The following TPRG1 variants were observed in gnomAD, a reference collection of about 807,000 sequenced individuals.
TPRG1 encodes the protein tumor protein p63-regulated gene 1 protein.
Under a neutral mutation model 29.3 loss-of-function variants are expected in TPRG1, and 29 were observed. That is an observed-to-expected ratio of 0.99 (90% CI 0.74 to 1.35). The LOEUF (loss-of-function observed/expected upper bound fraction) is 1.35, where lower values mean the gene tolerates loss of function less well. Among genes scored for constraint, TPRG1 ranks in the 40% most tolerant of loss-of-function variants. The probability of loss-of-function intolerance (pLI) is 0.00; values close to 1 mark genes in which losing one functional copy is unlikely to be tolerated. For missense variants in TPRG1, 327 were observed against 335.0 expected (o/e 0.98, Z 0.19); for synonymous variants, 130 against 116.8 (o/e 1.11, Z -0.73).
chr3:189,136,390 C>T (rs1723749879), intron 3 of TPRG1, among the ~76,000 whole-genome samples: 1 of 152,086 alleles, frequency 6.6e-6, no homozygotes, highest in African/African-American at 2.4e-5. Context: ...GGAGGAGAGC[C>T]GTTTCTGGAG....
At chr3:189,107,244 T>G (rs1719934801) in intron 1 of TPRG1, among the ~76,000 whole-genome samples, 1 of 152,108 alleles carries the variant, frequency 6.6e-6, no homozygotes. Context: ...CTTAATCCCA[T>G]TTTTGGGGGT....
At chr3:189,155,776 C>A (rs1159174822) in intron 5 of TPRG1, among the ~76,000 whole-genome samples, 1 of 152,126 alleles carries the variant, frequency 6.6e-6, no homozygotes, top group African/African-American at 2.4e-5. Flanking sequence ...TGTGTAAAAT[C>A]TGAAGATATT....
At chr3:189,275,195 C>T (rs1288882569) in intron 4 of TPRG1, among the ~76,000 whole-genome samples, 2 of 152,042 alleles carry the variant, frequency 1.3e-5, no homozygotes, top group Non-Finnish European at 2.9e-5. Context: ...AAACAGCATA[C>T]ATACAGTGTT....
upstream of TPRG1, among the ~76,000 whole-genome samples, chr3:189,096,035 C>T (rs143056211): frequency 1.7e-4 from 26 of 152,302 alleles, no homozygotes; most frequent in East Asian, 4.1e-3. Context: ...GAATTGGAAA[C>T]GATAAGACAC....
intron 1 of TPRG1, among the ~76,000 whole-genome samples, chr3:189,103,893 T>G (rs1191411022): frequency 1.3e-5 from 2 of 152,186 alleles, no homozygotes; most frequent in African/African-American, 4.8e-5. Context: ...TTCCTGAGTT[T>G]TTCATTTTAT....
At chr3:189,062,726 A>C (rs1198871244) in intron 4 of TPRG1, among the ~76,000 whole-genome samples, 1 of 152,106 alleles carries the variant, frequency 6.6e-6, no homozygotes, top group East Asian at 1.9e-4. Context: ...ATATGTTGTA[A>C]TATCCCCACC....
intron 4 of TPRG1, among the ~76,000 whole-genome samples, chr3:189,270,017 ATCTTCTTCTTCTTCTTCT>A (rs72453037): frequency 8.7e-5 from 13 of 148,810 alleles, no homozygotes; most frequent in South Asian, 2.2e-4. Context: ...TCTTCTCTGG[ATCTTCTTCTTCTTCTTCT>A]TCTTCTTCTT....
intron 4 of TPRG1, among the ~76,000 whole-genome samples, chr3:189,064,519 A>T (rs970102495): frequency 6.6e-5 from 10 of 152,336 alleles, no homozygotes; most frequent in Non-Finnish European, 1.5e-4. Flanking sequence ...ATAAGAAAAA[A>T]TAAGAAAGAT....
At chr3:189,295,091 T>C (rs978695777) in intron 4 of TPRG1, among the ~76,000 whole-genome samples, 6 of 152,226 alleles carry the variant, frequency 3.9e-5, no homozygotes, top group African/African-American at 1.4e-4. Flanking sequence ...CTTTCTCCAA[T>C]CTTTGAATGA....
chr3:189,019,011 C>T (rs1050689209), intron 3 of TPRG1, among the ~76,000 whole-genome samples: 5 of 152,144 alleles, frequency 3.3e-5, no homozygotes, highest in African/African-American at 1.2e-4. Context: ...TGGGAGTTCA[C>T]TCATAATTTG....
At chr3:189,012,598 T>A (rs1471990660) in intron 3 of TPRG1, among the ~76,000 whole-genome samples, 2 of 152,130 alleles carry the variant, frequency 1.3e-5, no homozygotes, top group East Asian at 3.9e-4. Flanking sequence ...ACATCTGGTA[T>A]AATTCAGCTG....
At chr3:189,177,865 C>G (rs138189259) in intron 1 of TPRG1, among the ~76,000 whole-genome samples, 42 of 152,330 alleles carry the variant, frequency 2.8e-4, no homozygotes, top group African/African-American at 9.9e-4. Flanking sequence ...TTGCTACTTC[C>G]TCTTTCCTCC....
intron 3 of TPRG1, among the ~76,000 whole-genome samples, chr3:189,133,997 G>A (rs1163287243): frequency 6.6e-6 from 1 of 152,150 alleles, no homozygotes; most frequent in Non-Finnish European, 1.5e-5. Context: ...GTGTTATCTG[G>A]ACTACTCATA....
chr3:189,065,563 A>C (rs1716383100), intron 4 of TPRG1, among the ~76,000 whole-genome samples: 1 of 152,186 alleles, frequency 6.6e-6, no homozygotes, highest in Non-Finnish European at 1.5e-5. Flanking sequence ...CTAAAAAAAA[A>C]AGGCAATGAT....
intron 1 of TPRG1, among the ~76,000 whole-genome samples, chr3:189,187,394 C>T (rs1355976607): frequency 1.3e-5 from 2 of 152,040 alleles, no homozygotes; most frequent in Non-Finnish European, 2.9e-5. Context: ...GCAACCTCTG[C>T]CTCCTGGGTT....
intron 4 of TPRG1, 54 bp from the exon 5 acceptor site, chr3:189,310,328 ATTTT>A: frequency 8.3e-7 from 1 of 1,197,910 alleles, no homozygotes; most frequent in South Asian, 1.9e-5. Flanking sequence ...ATTACATTCT[ATTTT>A]TTTTTTTTTG....
chr3:189,084,744 T>C (rs900581140), intron 4 of TPRG1, among the ~76,000 whole-genome samples: 5 of 152,208 alleles, frequency 3.3e-5, no homozygotes, highest in Non-Finnish European at 7.3e-5. Context: ...TGTAAACCTA[T>C]GTTTCCTGTG....
chr3:189,025,940 AT>A (rs1713637464), intron 4 of TPRG1, among the ~76,000 whole-genome samples: 1 of 152,216 alleles, frequency 6.6e-6, no homozygotes, highest in African/African-American at 2.4e-5. Flanking sequence ...GTTGTTATTA[AT>A]CGTGACTTTT....
At chr3:189,197,759 G>A (rs1732779853) in intron 1 of TPRG1, among the ~76,000 whole-genome samples, 1 of 152,166 alleles carries the variant, frequency 6.6e-6, no homozygotes, top group Non-Finnish European at 1.5e-5. Context: ...AGATTAAGTG[G>A]ATATGTTTCT....
Sources: gnomAD v4.1 joint callset for allele counts (sites outside exome capture counted in the v4.1 genomes callset) on GRCh38, gnomAD v4.1.1 for gene constraint, MANE v1.5 for transcripts, NCBI Gene and HGNC (gene_info 2026-07-23, HGNC 2026-07-21) for gene names.